TMEM132D: variants seen among roughly 807,000 people sequenced by gnomAD.
TMEM132D encodes transmembrane protein 132D.
Under a neutral mutation model 62.3 loss-of-function variants are expected in TMEM132D, and 21 were observed. The observed-to-expected ratio is 0.34, with a 90% CI of 0.24 to 0.49. TMEM132D has a LOEUF of 0.49. Among genes scored for constraint, TMEM132D ranks in the 20% least tolerant of loss-of-function variants. The pLI is 0.99. For missense variants in TMEM132D, 1,346 were observed against 1,402.8 expected (o/e 0.96, Z 0.65); for synonymous variants, 621 against 575.6 (o/e 1.08, Z -1.13).
At chr12:129,561,534 G>C (rs142169822) in intron 2 of TMEM132D, among the ~76,000 whole-genome samples, 2 of 152,304 alleles carry the variant, frequency 1.3e-5, no homozygotes, top group African/African-American at 4.8e-5. Flanking sequence ...CCCCGAGATA[G>C]TGCTGGAGTT....
At chr12:129,115,169 C>T (rs77285448) in intron 5 of TMEM132D, among the ~76,000 whole-genome samples, 1,903 of 152,322 alleles carry the variant, frequency 0.012, 36 homozygotes, top group African/African-American at 0.044. Flanking sequence ...AGTGACATCT[C>T]ATGTCGCTAT....
intron 1 of TMEM132D, among the ~76,000 whole-genome samples, chr12:129,893,712 C>T (rs1051808477): frequency 3.3e-5 from 5 of 152,224 alleles, no homozygotes; most frequent in African/African-American, 7.2e-5. Flanking sequence ...CCATCCATTG[C>T]CAATGCAATA....
At chr12:129,289,558 A>AAG (rs1306212444) in intron 4 of TMEM132D, among the ~76,000 whole-genome samples, 2 of 148,268 alleles carry the variant, frequency 1.3e-5, no homozygotes, top group African/African-American at 5.0e-5. Flanking sequence ...AAAAAAAAAA[A>AAG]AAAAAAGAAA....
At position 129,461,370 on chromosome 12, in the gene TMEM132D, G is replaced by A. The variant is rs118001066; in HGVS notation, c.1115+69689C>T. Among the ~76,000 whole-genome samples, 164 of 152,260 alleles carry A rather than the reference G, an allele frequency of 1.1e-3. 1 individual carries two copies. Among genetic ancestry groups the A allele is most frequent in the Middle Eastern group, 0.01 (3 of 294 alleles). The stretch of plus-strand genomic sequence containing the variant: ...GATGGCAAAGAACAGGAGTAGAAAT[G>A]TGGACTGAGAAACCAGACGGAAAGG... On this transcript the variant is annotated intron_variant, in intron 3 of 8. Transcript: ENST00000422113.
intron 5 of TMEM132D, among the ~76,000 whole-genome samples, chr12:129,169,658 A>G (rs914434988): frequency 6.6e-6 from 1 of 152,188 alleles, no homozygotes; most frequent in Admixed American, 6.5e-5. Context: ...GTTTATCTCT[A>G]TATTTCCATC....
At chr12:129,356,732 G>A (rs1475645630) in intron 3 of TMEM132D, among the ~76,000 whole-genome samples, 1 of 151,490 alleles carries the variant, frequency 6.6e-6, no homozygotes, top group Non-Finnish European at 1.5e-5. Flanking sequence ...AGGCATGGTG[G>A]TGTGTGCCTG....
chr12:129,242,653 C>A (rs1280279775), intron 4 of TMEM132D, among the ~76,000 whole-genome samples: 1 of 151,948 alleles, frequency 6.6e-6, no homozygotes, highest in Non-Finnish European at 1.5e-5. Context: ...TCTATTTACC[C>A]AGGCTTTTAA....
At chr12:129,452,574 C>T (rs961013702) in intron 3 of TMEM132D, among the ~76,000 whole-genome samples, 2 of 152,172 alleles carry the variant, frequency 1.3e-5, no homozygotes, top group African/African-American at 2.4e-5. Flanking sequence ...ATCAGGTCAG[C>T]ACTAACATTA....
intron 2 of TMEM132D, among the ~76,000 whole-genome samples, chr12:129,640,043 C>T (rs11060479): frequency 0.038 from 3,726 of 97,966 alleles, 152 homozygotes; most frequent in African/African-American, 0.12. Context: ...AAAAACCACA[C>T]GTGTGCACAC....
intron 1 of TMEM132D, among the ~76,000 whole-genome samples, chr12:129,895,146 G>C (rs1875064054): frequency 6.6e-6 from 1 of 152,158 alleles, no homozygotes; most frequent in African/African-American, 2.4e-5. Context: ...GCTACCATCT[G>C]AGCTGCTGGG....
At chr12:129,241,932 T>C (rs774096375) in intron 4 of TMEM132D, among the ~76,000 whole-genome samples, 4 of 152,188 alleles carry the variant, frequency 2.6e-5, no homozygotes, top group Non-Finnish European at 4.4e-5. Context: ...AAAATGTATT[T>C]AAACAACAGA....
At chr12:129,643,114 G>A (rs1290912000) in intron 2 of TMEM132D, among the ~76,000 whole-genome samples, 8 of 151,780 alleles carry the variant, frequency 5.3e-5, no homozygotes, top group East Asian at 1.9e-4. Flanking sequence ...TAGTAGAGAC[G>A]GAGTTTTACC....
chr12:129,342,708 A>T (rs916055380), intron 3 of TMEM132D, among the ~76,000 whole-genome samples: 3 of 152,098 alleles, frequency 2.0e-5, no homozygotes, highest in South Asian at 2.1e-4. Flanking sequence ...GAATCTACAA[A>T]GAACTCAAAC....
intron 2 of TMEM132D, among the ~76,000 whole-genome samples, chr12:129,692,161 AAT>A (rs1449558983): frequency 3.3e-5 from 5 of 152,184 alleles, no homozygotes; most frequent in African/African-American, 1.2e-4. Flanking sequence ...ATCTCTCAGT[AAT>A]ATGAGTATTA....
intron 5 of TMEM132D, among the ~76,000 whole-genome samples, chr12:129,089,035 C>A (rs576549886): frequency 3.8e-5 from 1 of 26,162 alleles, no homozygotes; most frequent in Admixed American, 3.8e-4. Flanking sequence ...GGTGTCCTCC[C>A]TGACCGGGAT....
chr12:129,535,293 T>A (rs1000914283), intron 2 of TMEM132D, among the ~76,000 whole-genome samples: 18 of 152,184 alleles, frequency 1.2e-4, no homozygotes, highest in African/African-American at 4.1e-4. Flanking sequence ...AGGAGCCTAG[T>A]CTCATGGCCA....
chr12:129,530,054 C>T (rs538812340), intron 3 of TMEM132D, among the ~76,000 whole-genome samples: 1 of 152,214 alleles, frequency 6.6e-6, no homozygotes, highest in African/African-American at 2.4e-5. Flanking sequence ...AAGGCCCAAA[C>T]GAGAGCTGCT....
chr12:129,302,183 C>T (rs1014553858), intron 4 of TMEM132D, among the ~76,000 whole-genome samples: 7 of 152,214 alleles, frequency 4.6e-5, no homozygotes, highest in African/African-American at 1.4e-4. Flanking sequence ...GGCATGATCT[C>T]GGCTCACTGC....
At chr12:129,367,027 G>A (rs921490997) in intron 3 of TMEM132D, among the ~76,000 whole-genome samples, 2 of 152,206 alleles carry the variant, frequency 1.3e-5, no homozygotes, top group South Asian at 2.1e-4. Context: ...CGAATGGACT[G>A]TGCCACACCA....
Sources: gnomAD v4.1 joint callset for allele counts (sites outside exome capture counted in the v4.1 genomes callset) on GRCh38, gnomAD v4.1.1 for gene constraint, MANE v1.5 for transcripts, NCBI Gene and HGNC (gene_info 2026-07-23, HGNC 2026-07-21) for gene names.